NUTM1: variants seen among roughly 807,000 people sequenced by gnomAD.
NUTM1 encodes NUT midline carcinoma family member 1.
A neutral mutation model predicts 88.7 loss-of-function variants in NUTM1; 39 were observed. That is an observed-to-expected ratio of 0.44 (90% CI 0.34 to 0.57). The LOEUF is 0.57. Ranked by LOEUF, NUTM1 falls within the 20% of genes least tolerant of loss-of-function variation. The probability of loss-of-function intolerance (pLI) is 0.01; values close to 1 mark genes in which losing one functional copy is unlikely to be tolerated. For synonymous variants in NUTM1, 494 were observed against 538.0 expected (o/e 0.92, Z 1.13); for missense variants, 1,350 against 1,414.5 (o/e 0.95, Z 0.73).
Position 34,348,306 on chromosome 15 carries a change from C to A in NUTM1, c.438C>A (p.Ala146=), listed in dbSNP as rs1566888263. ...CTCAGACTGCCCTCAATTCGACTGCCCCGGGCACTCCCTGTGGAGGCCTTG... is the reference window on the plus strand; with the variant it reads ...CTCAGACTGCCCTCAATTCGACTGCACCGGGCACTCCCTGTGGAGGCCTTG... ...ILTQTALNST[A]PGTPCGGLEG... is the part of the protein sequence containing the mutation. Residue 146 remains alanine (A), a synonymous_variant, in exon 3 of 8, where the codon GCC becomes GCA. Coordinates refer to ENST00000537011, the MANE Select transcript of NUTM1 (RefSeq NM_001284292.2). The A allele has an allele frequency of 6.2e-7, 1 of 1,614,256 alleles. No individual in the cohort carries two copies. The highest frequency in any genetic ancestry group is 2.2e-5 in the East Asian group (1 of 44,894).
rs774003817 is a variant in NUTM1 at position 34,355,537 on chromosome 15, C to T, written c.1529C>T (p.Ala510Val). Residue 510 changes from alanine (A) to valine (V), a missense_variant, in exon 8 of 8, where the codon GCG becomes GTG. Physicochemically the swap from Ala to Val is moderately conservative, Grantham distance 64. Around this residue, in one of 5 missense-constraint regions of NUTM1, gnomAD observed 126 missense variants for 189.8 expected, o/e 0.66. Coordinates refer to ENST00000537011, the MANE Select transcript of NUTM1 (RefSeq NM_001284292.2). The surrounding 1 kb of genome is among the most constrained non-coding windows in gnomAD (Gnocchi z 4.3). ...TTGGAAGAGGAGGAAGATGCAGAGG[C>T]GCCTCCAAGTTTCAGTGGCGCTCAG... Reference protein sequence around the residue: ...MALEEEEDAEAPPSFSGAQLD... With the variant: ...MALEEEEDAEVPPSFSGAQLD... 45 of 1,613,896 alleles carry T rather than the reference C, an allele frequency of 2.8e-5. No individual in the cohort carries two copies. The highest frequency in any genetic ancestry group is 8.9e-5 in the East Asian group (4 of 44,898).
rs752994486 is a variant in NUTM1 at position 34,353,817 on chromosome 15, C to T, written c.1020C>T (p.Thr340=). The part of the protein sequence containing the change: ...MNGSQGLSPA[T]PLKLDPLGPL... Reference sequence around the variant, plus strand: ...GGTCTCAGGGCCTGTCTCCTGCAACCCCTTTGAAACTTGATCCTCTAGGGC... The same window carrying T: ...GGTCTCAGGGCCTGTCTCCTGCAACTCCTTTGAAACTTGATCCTCTAGGGC... Residue 340 remains threonine (T), a synonymous_variant, in exon 5 of 8, where the codon ACC becomes ACT. Coordinates refer to ENST00000537011, the MANE Select transcript of NUTM1 (RefSeq NM_001284292.2). The T allele has an allele frequency of 5.6e-6, 9 of 1,614,128 alleles. No individual in the cohort carries two copies. In the South Asian group the frequency reaches 9.9e-5, roughly 18 times the overall value.
chr15:34,351,391 A>AG (rs896666685), intron 4 of NUTM1, among the ~76,000 whole-genome samples: 2 of 151,452 alleles, frequency 1.3e-5, no homozygotes, highest in South Asian at 2.1e-4. Flanking sequence ...CAAAAAAAAA[A>AG]AAAAGAAAAG....
intron 1 of NUTM1, among the ~76,000 whole-genome samples, chr15:34,344,199 G>A (rs867735414): frequency 1.1e-4 from 16 of 147,214 alleles, no homozygotes; most frequent in Middle Eastern, 3.8e-3. Context: ...TCCAGCCTGG[G>A]TCCGTCTTAA....
At chr15:34,349,797 C>T (rs910166655) in intron 3 of NUTM1, among the ~76,000 whole-genome samples, 2 of 152,246 alleles carry the variant, frequency 1.3e-5, no homozygotes, top group Admixed American at 6.5e-5. Flanking sequence ...TCTTCAGGCT[C>T]CCTGCTTTCT....
intron 2 of NUTM1, among the ~76,000 whole-genome samples, chr15:34,346,410 T>C (rs1163335655): frequency 6.6e-6 from 1 of 151,398 alleles, no homozygotes; most frequent in Non-Finnish European, 1.5e-5. Flanking sequence ...CTGTCTTTTT[T>C]AGGCAACTGG....
Position 34,357,261 on chromosome 15 carries a change from G to C in NUTM1, c.3253G>C (p.Ala1085Pro). Reference sequence around the variant, plus strand: ...CCAGAGAGCATCCCACCTGCTCCCTGCTGGAGCAAAAGGCCCCAGCAAACT... The same window carrying C: ...CCAGAGAGCATCCCACCTGCTCCCTCCTGGAGCAAAAGGCCCCAGCAAACT... Reference protein sequence around the residue: ...GSQRASHLLPAGAKGPSKLPY... With the variant: ...GSQRASHLLPPGAKGPSKLPY... The change falls in exon 8 of 8, where the codon GCT becomes CCT. Residue 1085 changes from alanine to proline, a missense_variant. By Grantham distance (27) the Ala-to-Pro change is conservative. Coordinates refer to ENST00000537011, the MANE Select transcript of NUTM1 (RefSeq NM_001284292.2). 1.2e-6 allele frequency: 2 copies of C among 1,614,130 alleles called. No individual in the cohort carries two copies. Among genetic ancestry groups the C allele is most frequent in the African/African-American group, 1.3e-5 (1 of 75,046 alleles).
rs1241073801 is a variant in NUTM1, at chr15:34,355,439, C to G, written c.1480-49C>G. On this transcript the variant is annotated intron_variant, in intron 7 of 7. Transcript: ENST00000537011. This position sits in a 1 kb window ranked among gnomAD's most constrained non-coding sequence, Gnocchi z 4.3. ...CCGTCTTGTGCCACCCACTCAGCCA[C>G]CTCTTTCACAACCACGTATAGAACT... 1 of 1,605,214 alleles carries G rather than the reference C, an allele frequency of 6.2e-7. No homozygotes were observed. The highest frequency in any genetic ancestry group is 2.2e-5 in the East Asian group (1 of 44,848).
At chr15:34,352,893 T>C (rs1296946422) in intron 4 of NUTM1, among the ~76,000 whole-genome samples, 1 of 138,632 alleles carries the variant, frequency 7.2e-6, no homozygotes, top group Admixed American at 7.1e-5. Context: ...TTTTTTTTTT[T>C]TTTTTTTTTT....
intron 3 of NUTM1, among the ~76,000 whole-genome samples, chr15:34,349,288 C>G (rs1432248797): frequency 6.6e-6 from 1 of 152,230 alleles, no homozygotes; most frequent in East Asian, 1.9e-4. Context: ...GGACATTTAA[C>G]ATCTTTGCCC....
chr15:34,345,668 C>T (rs980376578), intron 1 of NUTM1, among the ~76,000 whole-genome samples: 6 of 152,246 alleles, frequency 3.9e-5, no homozygotes, highest in Admixed American at 6.5e-5. Context: ...GTGAACCAAA[C>T]GGTAAAACTG....
Position 34,356,709 on chromosome 15 carries a change from G to A in NUTM1, c.2701G>A (p.Asp901Asn), listed in dbSNP as rs569996385. ...CAATCTCCTTATCATGGGGACTGAG[G>A]ATGCCTCCTCCTTGCCTGAAGCCAG... Reference protein sequence around the residue: ...QGNLLIMGTEDASSLPEASQE... With the variant: ...QGNLLIMGTENASSLPEASQE... The change falls in exon 8 of 8, where the codon GAT (aspartate) becomes AAT (asparagine). Residue 901 changes from aspartate to asparagine, a missense_variant. Transcript: ENST00000537011. 2.0e-5 allele frequency: 33 copies of A among 1,613,614 alleles called. No individual in the cohort carries two copies. The East Asian group carries it at 6.7e-4, about 33-fold the overall frequency.
rs867158490 is a variant in NUTM1 at position 34,355,302 on chromosome 15, T to G, written c.1479+165T>G. On this transcript the variant is annotated intron_variant, in intron 7 of 7. Coordinates refer to ENST00000537011, the MANE Select transcript of NUTM1 (RefSeq NM_001284292.2). The surrounding 1 kb of genome is among the most constrained non-coding windows in gnomAD (Gnocchi z 4.3). ...TATGGAAACACAGGAAATGAGAATG[T>G]AAGGGCTCAAAGCATGGGAATAAGG... Among the ~76,000 whole-genome samples the G allele has an allele frequency of 4.8e-4, 73 of 152,236 alleles. No individual in the cohort carries two copies. The highest frequency in any genetic ancestry group is 1.6e-3 in the African/African-American group (67 of 41,530).
At chr15:34,353,598 C>A (rs1890746616) in intron 4 of NUTM1, 138 bp from the exon 5 acceptor site, 2 of 934,680 alleles carry the variant, frequency 2.1e-6, no homozygotes, top group Non-Finnish European at 1.6e-6. Flanking sequence ...TGTGACCACC[C>A]TCCTGGGTGA....
chr15:34,357,088 G>C lies in NUTM1; in HGVS notation c.3080G>C (p.Arg1027Thr). 6.2e-7 allele frequency: 1 copy of C among 1,614,064 alleles called. No individual in the cohort carries two copies. The change falls in exon 8 of 8, where the codon AGG (arginine) becomes ACG (threonine). Residue 1027 changes from arginine to threonine, a missense_variant. Transcript: ENST00000537011. ...AGTAAAACACACAGGTCAGCAGACA[G>C]GGCCAAAGGAAAGGAGAAAAAGAAA... ...SVSKTHRSAD[R>T]AKGKEKKKKE...
rs930180121 is a variant in NUTM1, at chr15:34,345,933, T to G, written c.7-9T>G. The G allele has an allele frequency of 6.2e-7, 1 of 1,613,902 alleles. No homozygotes were observed. The highest frequency in any genetic ancestry group is 8.5e-7 in the Non-Finnish European group (1 of 1,179,824). ...CTTCCTTGGATCCCTGTGCACCTAC[T>G]GGAGCCAGGTTACTCTGGGTCCTGG... is the stretch of plus-strand genomic sequence containing the variant. On this transcript the variant is annotated splice_polypyrimidine_tract_variant and intron_variant, in intron 1 of 7. Transcript: ENST00000537011.
In NUTM1 at chr15:34,357,675, A is replaced by G. The variant is rs1595615777; in HGVS notation, c.*184A>G. ...GTCAGACTGGCTAGGCTGCAGGGGGAATTACCTTTGGAAGGAGCTATATAG... is the reference window on the plus strand; with the variant it reads ...GTCAGACTGGCTAGGCTGCAGGGGGGATTACCTTTGGAAGGAGCTATATAG... On this transcript the variant is annotated 3_prime_UTR_variant, in exon 8 of 8. Transcript: ENST00000537011. The G allele has an allele frequency of 1.8e-6, 2 of 1,114,794 alleles. No homozygotes were observed. Among genetic ancestry groups the G allele is most frequent in the Non-Finnish European group, 2.7e-6 (2 of 745,146 alleles). The allele number at this position is 1,114,794 out of a possible 1,614,324, so 69.1% of individuals were successfully genotyped here.
Position 34,355,523 on chromosome 15 carries a change from G to A in NUTM1, c.1515G>A (p.Glu505=). Residue 505 remains glutamate (E), a synonymous_variant, in exon 8 of 8, where the codon GAG becomes GAA. Transcript: ENST00000537011. The surrounding 1 kb of genome is among the most constrained non-coding windows in gnomAD (Gnocchi z 4.3). The stretch of plus-strand genomic sequence containing the variant: ...AGCGACTCATGGCCTTGGAAGAGGA[G>A]GAAGATGCAGAGGCGCCTCCAAGTT... ...VQKRLMALEE[E]EDAEAPPSFS... is the part of the protein sequence containing the mutation. 1.9e-6 allele frequency: 3 copies of A among 1,614,148 alleles called. No individual in the cohort carries two copies. The highest frequency in any genetic ancestry group is 2.2e-5 in the South Asian group (2 of 91,080).
chr15:34,354,645 G>A lies in NUTM1; in HGVS notation c.1275G>A (p.Gln425=). The A allele has an allele frequency of 6.2e-7, 1 of 1,614,164 alleles. No homozygotes were observed. The highest frequency in any genetic ancestry group is 1.1e-5 in the South Asian group (1 of 91,084). The change falls in exon 6 of 8, where the codon CAG becomes CAA. Residue 425 remains glutamine, a synonymous_variant. Transcript: ENST00000537011. ...ESDGKQEEEG[Q]QQEEEGMYPD... Reference sequence around the variant, plus strand: ...ATGGAAAACAAGAGGAAGAAGGGCAGCAGCAGGAGGAGGAAGGGATGTATC... The same window carrying A: ...ATGGAAAACAAGAGGAAGAAGGGCAACAGCAGGAGGAGGAAGGGATGTATC...
Sources: allele counts gnomAD v4.1 joint callset (sites outside exome capture counted in the v4.1 genomes callset), GRCh38; gene constraint gnomAD v4.1.1; regional missense constraint gnomAD v4.1.1; non-coding constraint Gnocchi (gnomAD v3.1); transcripts MANE v1.5; gene names NCBI Gene and HGNC (gene_info 2026-07-23, HGNC 2026-07-21).